CRTAP: variants seen among roughly 807,000 people sequenced by gnomAD.
CRTAP encodes the protein cartilage associated protein, also known as cartilage-associated protein.
A neutral mutation model predicts 42.7 loss-of-function variants in CRTAP; 33 were observed. The observed-to-expected ratio is 0.77, with a 90% CI of 0.59 to 1.03. The LOEUF (loss-of-function observed/expected upper bound fraction) is 1.03, where lower values mean the gene tolerates loss of function less well. CRTAP is among the 50% of genes least tolerant of loss of function. The probability of loss-of-function intolerance (pLI) is 0.00; values close to 1 mark genes in which losing one functional copy is unlikely to be tolerated. For missense variants in CRTAP, 613 were observed against 533.9 expected, an observed-to-expected ratio of 1.15 and a Z score of -1.46; for synonymous variants, 243 against 217.7, an observed-to-expected ratio of 1.12 and a Z score of -1.02.
intron 1 of CRTAP, among the ~76,000 whole-genome samples, chr3:33,115,837 G>A (rs1013313873): frequency 6.6e-6 from 1 of 151,082 alleles, no homozygotes; most frequent in African/African-American, 2.4e-5. Flanking sequence ...CCCCAAAGAG[G>A]GGAAAAGCTG....
chr3:33,133,330 C>G (rs2030326713), intron 5 of CRTAP, among the ~76,000 whole-genome samples: 1 of 150,358 alleles, frequency 6.7e-6, no homozygotes, highest in Middle Eastern at 3.5e-3. Flanking sequence ...GTGATCTTGG[C>G]TCACTGCATC....
chr3:33,120,631 A>G (rs2029869457), intron 2 of CRTAP, 138 bp downstream of exon 2: 1 of 1,332,352 alleles, frequency 7.5e-7, no homozygotes. Flanking sequence ...AATAGAAATG[A>G]TTGACTTTTA....
Position 33,132,656 on chromosome 3 carries a change from A to C in CRTAP, c.1024A>C (p.Arg342=). 6.2e-7 allele frequency: 1 copy of C among 1,614,146 alleles called. No individual in the cohort carries two copies. The highest frequency in any genetic ancestry group is 1.1e-5 in the South Asian group (1 of 91,082). The change falls in exon 5 of 7, where the codon AGG becomes CGG. Residue 342 remains arginine, a synonymous_variant. Transcript: ENST00000320954. ...GAACCTGGTGTATTACCAGTACCAC[A>C]GGGACACTTGGGGCCTCTCGGATGA... ...QQNLVYYQYH[R]DTWGLSDEHF... is the part of the protein sequence containing the mutation.
Position 33,129,995 on chromosome 3 carries a change from G to A in CRTAP, c.850G>A (p.Val284Ile). The A allele has an allele frequency of 6.2e-7, 1 of 1,613,336 alleles. No individual in the cohort carries two copies. The highest frequency in any genetic ancestry group is 1.3e-5 in the African/African-American group (1 of 75,030). ...ACAGTGTGAAGAGAACCTCACCCCA[G>A]TTATAGGAGGCTATCCGGTTGAGAA... is the stretch of plus-strand genomic sequence containing the variant. ...KIQCEENLTP[V>I]IGGYPVEKFV... Residue 284 changes from valine to isoleucine, a missense_variant, in exon 4 of 7, where the codon GTT becomes ATT. By Grantham distance (29) the Val-to-Ile change is conservative. Coordinates refer to ENST00000320954, the MANE Select transcript of CRTAP (RefSeq NM_006371.5).
intron 4 of CRTAP, among the ~76,000 whole-genome samples, chr3:33,132,346 A>T (rs940227472): frequency 1.3e-5 from 2 of 152,204 alleles, no homozygotes; most frequent in African/African-American, 4.8e-5. Flanking sequence ...GCATGTGCCT[A>T]ACTAGAACTA....
At position 33,138,431 on chromosome 3, in the gene CRTAP, T is replaced by A. The variant is rs377236920; in HGVS notation, c.1153-3964T>A. 2.6e-5 allele frequency among the ~76,000 whole-genome samples: 4 copies of A among 152,322 alleles called. No homozygotes were observed. In the South Asian group the frequency reaches 6.2e-4, roughly 24 times the overall value. ...TAAAAATTTATTTCACAGTGTTTTC[T>A]TATTTTATTATTCCTAAACATTCTA... is the stretch of plus-strand genomic sequence containing the variant. On this transcript the variant is annotated intron_variant, in intron 6 of 6. Coordinates refer to ENST00000320954, the MANE Select transcript of CRTAP (RefSeq NM_006371.5).
chr3:33,132,551 C>A lies in CRTAP; in HGVS notation c.923-4C>A. On this transcript the variant is annotated splice_polypyrimidine_tract_variant and splice_region_variant and intron_variant, in intron 4 of 6. Transcript: ENST00000320954. ...CTTCATTTGTCTTTTCTTCCCAACC[C>A]TAGTGAACGACCTGAAGAATGCAGC... is the stretch of plus-strand genomic sequence containing the variant. 6.2e-7 allele frequency: 1 copy of A among 1,613,966 alleles called. No individual in the cohort carries two copies. The highest frequency in any genetic ancestry group is 8.5e-7 in the Non-Finnish European group (1 of 1,179,864).
At position 33,120,373 on chromosome 3, in the gene CRTAP, T is replaced by G; in HGVS notation, c.501T>G (p.Ala167=). The part of the protein sequence containing the change: ...KANNLPKAIA[A]AHTFLLKHPD... Reference sequence around the variant, plus strand: ...ATAATCTCCCCAAAGCCATCGCCGCTGCTCACACCTTTCTACTGAAGCATC... The same window carrying G: ...ATAATCTCCCCAAAGCCATCGCCGCGGCTCACACCTTTCTACTGAAGCATC... The change falls in exon 2 of 7, where the codon GCT becomes GCG. Residue 167 remains alanine, a synonymous_variant. Coordinates refer to ENST00000320954, the MANE Select transcript of CRTAP (RefSeq NM_006371.5). The G allele has an allele frequency of 6.2e-7, 1 of 1,614,218 alleles. No homozygotes were observed. Among genetic ancestry groups the G allele is most frequent in the East Asian group, 2.2e-5 (1 of 44,896 alleles).
intron 1 of CRTAP, among the ~76,000 whole-genome samples, chr3:33,116,672 TA>T (rs1701346625): frequency 1.3e-5 from 2 of 152,230 alleles, no homozygotes; most frequent in Non-Finnish European, 2.9e-5. Flanking sequence ...GCCACCATCT[TA>T]ACATTTTGAG....
At chr3:33,142,346 TA>T in intron 6 of CRTAP, 48 bp from the exon 7 acceptor site, 1 of 1,532,184 alleles carries the variant, frequency 6.5e-7, no homozygotes, top group Non-Finnish European at 9.0e-7. Context: ...TCAGTACTTT[TA>T]AAAGTCCAAT....
intron 1 of CRTAP, among the ~76,000 whole-genome samples, chr3:33,119,431 G>A (rs1701387231): frequency 6.6e-6 from 1 of 152,142 alleles, no homozygotes; most frequent in African/African-American, 2.4e-5. Flanking sequence ...CCAACAGAGA[G>A]GCTCTTAATT....
At chr3:33,127,361 A>G (rs1175934905) in intron 3 of CRTAP, among the ~76,000 whole-genome samples, 2 of 152,048 alleles carry the variant, frequency 1.3e-5, no homozygotes, top group East Asian at 1.9e-4. Context: ...AGATTCACCA[A>G]TTTGTAACAT....
At chr3:33,115,514 T>G (rs749844689) in intron 1 of CRTAP, among the ~76,000 whole-genome samples, 41 of 152,162 alleles carry the variant, frequency 2.7e-4, no homozygotes, top group Non-Finnish European at 5.4e-4. Context: ...CCACAAGTTT[T>G]AAGAATGGTT....
rs1052432139 is a variant in CRTAP at position 33,145,113 on chromosome 3, ACT to A, written c.*2668_*2669del. On this transcript the variant is annotated 3_prime_UTR_variant, in exon 7 of 7. Transcript: ENST00000320954. This position sits in a 1 kb window ranked among gnomAD's most constrained non-coding sequence, Gnocchi z 4.3. Reference sequence around the variant, plus strand: ...CTGGGCTTCCCTTATCCCCCAGAACACTCTACCAACCTCGGGGAACTCGGGCA... The same window carrying A: ...CTGGGCTTCCCTTATCCCCCAGAACACTACCAACCTCGGGGAACTCGGGCA... 1.2e-4 allele frequency: 18 copies of A among 152,268 alleles called. No homozygotes were observed. The highest frequency in any genetic ancestry group is 4.1e-4 in the African/African-American group (17 of 41,492). The allele number at this position is 152,268 out of a possible 1,614,324, so 9.4% of individuals were successfully genotyped here.
chr3:33,122,570 G>A lies in CRTAP; in HGVS notation c.622-1838G>A, dbSNP rs540014444. Among the ~76,000 whole-genome samples, 16 of 152,018 alleles carry A rather than the reference G, an allele frequency of 1.1e-4. No homozygotes were observed. In the South Asian group the frequency reaches 2.3e-3, roughly 22 times the overall value. On this transcript the variant is annotated intron_variant, in intron 2 of 6. Transcript: ENST00000320954. ...AAAAATACAAAAAAATTAGCCAGGC[G>A]TGGTGGCAGGCACCTGTAATCCTAG...
At chr3:33,138,668 G>A (rs926436849) in intron 6 of CRTAP, among the ~76,000 whole-genome samples, 17 of 152,072 alleles carry the variant, frequency 1.1e-4, no homozygotes, top group Non-Finnish European at 1.5e-4. Flanking sequence ...TATTTTTCTT[G>A]CGTAATTGTT....
intron 2 of CRTAP, among the ~76,000 whole-genome samples, chr3:33,123,589 A>G (rs2029960145): frequency 6.7e-6 from 1 of 149,472 alleles, no homozygotes; most frequent in Non-Finnish European, 1.5e-5. Flanking sequence ...CCATGAACCA[A>G]TTAAACCTCT....
intron 1 of CRTAP, among the ~76,000 whole-genome samples, chr3:33,119,117 A>G (rs978621244): frequency 6.6e-6 from 1 of 151,934 alleles, no homozygotes; most frequent in African/African-American, 2.4e-5. Context: ...CCAGATATCT[A>G]CCTCCCCTGA....
chr3:33,129,182 A>G (rs2030165573), intron 3 of CRTAP, among the ~76,000 whole-genome samples: 1 of 152,182 alleles, frequency 6.6e-6, no homozygotes, highest in East Asian at 1.9e-4. Context: ...AAATATGTGT[A>G]TTTTAACCTT....
Sources: allele counts gnomAD v4.1 joint callset (sites outside exome capture counted in the v4.1 genomes callset), GRCh38; gene constraint gnomAD v4.1.1; non-coding constraint Gnocchi (gnomAD v3.1); transcripts MANE v1.5; gene names NCBI Gene and HGNC (gene_info 2026-07-23, HGNC 2026-07-21).